SPATA31C1: variants seen among roughly 807,000 people sequenced by gnomAD.
The protein encoded by SPATA31C1 is spermatogenesis-associated protein 31C1.
At chr9:87,922,537 C>A in exon 5 of SPATA31C1, 14 of 1,610,756 alleles carry the variant, frequency 8.7e-6, no homozygotes, top group Non-Finnish European at 1.2e-5. Flanking sequence ...GAGACCCAGC[C>A]TCAAGTTTCT....
chr9:87,921,878 G>A, exon 5 of SPATA31C1: 1 of 1,611,996 alleles, frequency 6.2e-7, no homozygotes, highest in Non-Finnish European at 8.5e-7. Context: ...CCCATATTGT[G>A]AGGTTTTGGG....
chr9:87,922,690 T>G lies in SPATA31C1; in HGVS notation n.3080T>G, dbSNP rs780737483. On this transcript the variant is annotated non_coding_transcript_exon_variant, in exon 5 of 5. Transcript: ENST00000420021. ...GCTTCCCAGGAGCTATGTGACCTCA[T>G]GTCAGCCAGAAGGAGTAACATGGGG... is the stretch of plus-strand genomic sequence containing the variant. 11 of 1,607,460 alleles carry G rather than the reference T, an allele frequency of 6.8e-6. No homozygotes were observed. The African/African-American group carries it at 1.3e-4, about 20-fold the overall frequency.
At chr9:87,920,571 A>C (rs1828825829) in exon 5 of SPATA31C1, 3 of 1,611,054 alleles carry the variant, frequency 1.9e-6, no homozygotes, top group African/African-American at 1.4e-5. Context: ...CCCACCACAC[A>C]CCCCTGATCC....
At chr9:87,916,794 A>C (rs371328794) in intron 1 of SPATA31C1, among the ~76,000 whole-genome samples, 4,214 of 75,134 alleles carry the variant, frequency 0.056, 19 homozygotes, top group African/African-American at 0.073. Flanking sequence ...TCAGGAGAAC[A>C]AGACCATCCT....
At chr9:87,920,360 T>C (rs753134578) in exon 5 of SPATA31C1, 5 of 1,613,846 alleles carry the variant, frequency 3.1e-6, no homozygotes, top group Admixed American at 3.3e-5. Context: ...GGTCCTCTCA[T>C]GAGCCTATGG....
In SPATA31C1 at chr9:87,916,329, G is replaced by C. The variant is rs965388692; in HGVS notation, n.190-1518G>C. On this transcript the variant is annotated intron_variant and non_coding_transcript_variant, in intron 1 of 4. Coordinates refer to ENST00000420021, the Ensembl canonical transcript of SPATA31C1. ...AGAAATTCTTCAGGTCCTAGGACTT[G>C]ATGAATAATTATTAGACATGACACC... 3.1e-4 allele frequency among the ~76,000 whole-genome samples: 46 copies of C among 146,188 alleles called. 1 individual carries two copies. The South Asian group carries it at 0.01, about 33-fold the overall frequency.
At chr9:87,921,228 C>T (rs1470583719) in exon 5 of SPATA31C1, 3 of 1,611,880 alleles carry the variant, frequency 1.9e-6, no homozygotes, top group African/African-American at 2.7e-5. Flanking sequence ...CCAGGAAAGA[C>T]TGACATCCAT....
At chr9:87,919,474 G>C in intron 3 of SPATA31C1, 126 bp downstream of exon 2, 1 of 1,392,292 alleles carries the variant, frequency 7.2e-7, no homozygotes. Context: ...AGAACCCTGG[G>C]TCCTTCTCAG....
Position 87,920,212 on chromosome 9 carries a change from C to T in SPATA31C1, n.642-40C>T, listed in dbSNP as rs538003558. On this transcript the variant is annotated intron_variant and non_coding_transcript_variant, in intron 4 of 4. Coordinates refer to ENST00000420021, the Ensembl canonical transcript of SPATA31C1. The stretch of plus-strand genomic sequence containing the variant: ...CGCCCACTCTGCCCTCCGAACCCAT[C>T]TGGCTCCTGGCTGCAGCTTGTGCCT... 339 of 1,610,938 alleles carry T rather than the reference C, an allele frequency of 2.1e-4. 1 individual carries two copies. The highest frequency in any genetic ancestry group is 2.8e-4 in the Non-Finnish European group (330 of 1,178,776).
exon 5 of SPATA31C1, chr9:87,920,939 A>C (rs1462248814): frequency 2.5e-6 from 4 of 1,612,722 alleles, no homozygotes; most frequent in Non-Finnish European, 2.5e-6. Context: ...CCTTTATTTC[A>C]TCCACACCCC....
chr9:87,921,286 A>G lies in SPATA31C1; in HGVS notation n.1676A>G, dbSNP rs777126832. 61 of 1,611,988 alleles carry G rather than the reference A, an allele frequency of 3.8e-5. No homozygotes were observed. In the African/African-American group the frequency reaches 6.3e-4, roughly 17 times the overall value. ...AGTCCTGAACTCTGGAGACAACTGG[A>G]GCAATACATGGGGCAACGTGGAAGG... On this transcript the variant is annotated non_coding_transcript_exon_variant, in exon 5 of 5. Coordinates refer to ENST00000420021, the Ensembl canonical transcript of SPATA31C1.
At chr9:87,917,285 T>C (rs879880544) in intron 1 of SPATA31C1, among the ~76,000 whole-genome samples, 2,149 of 142,966 alleles carry the variant, frequency 0.015, 5 homozygotes, top group Non-Finnish European at 0.026. Flanking sequence ...GTGGTGGTGG[T>C]GGGCGCCTGT....
At chr9:87,920,351 G>C (rs751928334) in exon 5 of SPATA31C1, 36 of 1,613,812 alleles carry the variant, frequency 2.2e-5, no homozygotes, top group Non-Finnish European at 3.0e-5. Flanking sequence ...GAGCCTCCCG[G>C]TCCTCTCATG....
exon 5 of SPATA31C1, chr9:87,921,821 C>A (rs1262738729): frequency 7.4e-6 from 12 of 1,611,912 alleles, no homozygotes; most frequent in Admixed American, 1.7e-5. Flanking sequence ...TAAACACAGC[C>A]CAGGTGCTTT....
At position 87,919,354 on chromosome 9, in the gene SPATA31C1, G is replaced by A. The variant is rs1204298960; in HGVS notation, n.580+6G>A. 6.2e-7 allele frequency: 1 copy of A among 1,602,346 alleles called. No individual in the cohort carries two copies. The highest frequency in any genetic ancestry group is 8.5e-7 in the Non-Finnish European group (1 of 1,175,014). On this transcript the variant is annotated splice_donor_region_variant and intron_variant and non_coding_transcript_variant, in intron 3 of 4. Coordinates refer to ENST00000420021, the Ensembl canonical transcript of SPATA31C1. Reference sequence around the variant, plus strand: ...GAAAAACCACAGTCTGAGAGGTAAGGCTCTGCCAGGGCACACTAGAGTTAA... The same window carrying A: ...GAAAAACCACAGTCTGAGAGGTAAGACTCTGCCAGGGCACACTAGAGTTAA...
chr9:87,922,110 G>C (rs1436409195), exon 5 of SPATA31C1: 1 of 1,613,784 alleles, frequency 6.2e-7, no homozygotes, highest in African/African-American at 1.3e-5. Context: ...TCACATGCCA[G>C]AGAGGCTTCA....
chr9:87,919,204 G>C, intron 2 of SPATA31C1, 51 bp from the exon 2 acceptor site: 1 of 1,597,436 alleles, frequency 6.3e-7, no homozygotes, highest in Non-Finnish European at 8.5e-7. Flanking sequence ...CTGCGGCTGG[G>C]GGCAGAGAGG....
rs1163873620 is a variant in SPATA31C1 at position 87,919,897 on chromosome 9, A to G, written n.581-19A>G. On this transcript the variant is annotated intron_variant and non_coding_transcript_variant, in intron 3 of 4. Transcript: ENST00000420021. The stretch of plus-strand genomic sequence containing the variant: ...TCCCAAGCCCCTCCCTCACTGCCCT[A>G]ACCCGGTCTGATTTCCAGCTTGTAG... The G allele has an allele frequency of 2.5e-6, 4 of 1,606,350 alleles. No individual in the cohort carries two copies. The African/African-American group carries it at 4.0e-5, about 16-fold the overall frequency.
At chr9:87,916,475 C>A (rs1255333419) in intron 1 of SPATA31C1, among the ~76,000 whole-genome samples, 1 of 148,964 alleles carries the variant, frequency 6.7e-6, no homozygotes, top group Non-Finnish European at 1.5e-5. Flanking sequence ...AAAGTGCAAA[C>A]CACACCTGAT....
Sources: allele counts gnomAD v4.1 joint callset (sites outside exome capture counted in the v4.1 genomes callset), GRCh38; gene constraint gnomAD v4.1.1; transcripts MANE v1.5; gene names NCBI Gene and HGNC (gene_info 2026-07-23, HGNC 2026-07-21).